Variants in MAGI2 observed in about 807,000 individuals in gnomAD.
MAGI2 encodes the protein membrane associated guanylate kinase, WW and PDZ domain containing 2, also known as membrane-associated guanylate kinase, WW and PDZ domain-containing protein 2.
In MAGI2, 35 loss-of-function variants were observed where a neutral mutation model predicts 133.3. The ratio of observed to expected loss-of-function variants is 0.26; its 90% confidence interval spans 0.20 to 0.35. The LOEUF is 0.35. Ranked by LOEUF, MAGI2 falls within the 10% of genes least tolerant of loss-of-function variation. MAGI2 has a pLI of 1.00. For synonymous variants in MAGI2, 729 were observed against 710.6 expected, an observed-to-expected ratio of 1.03 and a Z score of -0.41; for missense variants, 1,636 against 1,863.4, an observed-to-expected ratio of 0.88 and a Z score of 2.25.
chr7:79,280,882 G>GC (rs940408047), intron 1 of MAGI2, among the ~76,000 whole-genome samples: 5 of 130,564 alleles, frequency 3.8e-5, no homozygotes, highest in Admixed American at 3.5e-4. Context: ...CTATGATCAT[G>GC]CCACCATACT....
At chr7:79,191,236 G>A (rs1332870037) in intron 1 of MAGI2, among the ~76,000 whole-genome samples, 1 of 151,056 alleles carries the variant, frequency 6.6e-6, no homozygotes, top group East Asian at 1.9e-4. Flanking sequence ...TTTGATTTAG[G>A]TTGTGTTAAA....
At chr7:78,605,313 T>G (rs980969273) in intron 3 of MAGI2, among the ~76,000 whole-genome samples, 23 of 152,170 alleles carry the variant, frequency 1.5e-4, no homozygotes, top group African/African-American at 5.6e-4. Flanking sequence ...GAGAGGGATG[T>G]GTCAAGAGTG....
chr7:79,433,937 ACTACT>A (rs1847960910), intron 1 of MAGI2, among the ~76,000 whole-genome samples: 1 of 152,206 alleles, frequency 6.6e-6, no homozygotes, highest in Non-Finnish European at 1.5e-5. Flanking sequence ...CTTATTTCTG[ACTACT>A]CAGACAATCT....
At chr7:79,048,791 G>A (rs746263237) in intron 1 of MAGI2, among the ~76,000 whole-genome samples, 1 of 152,030 alleles carries the variant, frequency 6.6e-6, no homozygotes, top group Non-Finnish European at 1.5e-5. Flanking sequence ...CTGGCCAACA[G>A]TGTGAAATCC....
chr7:78,480,109 A>G (rs1317510516), intron 6 of MAGI2, among the ~76,000 whole-genome samples: 2 of 151,958 alleles, frequency 1.3e-5, no homozygotes, highest in African/African-American at 4.8e-5. Flanking sequence ...ACCAATTCCT[A>G]TAAAACTATA....
At chr7:79,090,040 A>G (rs960723192) in intron 1 of MAGI2, among the ~76,000 whole-genome samples, 2 of 152,082 alleles carry the variant, frequency 1.3e-5, no homozygotes, top group Non-Finnish European at 2.9e-5. Flanking sequence ...AAAAAATTAA[A>G]AAATAGAAGA....
intron 6 of MAGI2, among the ~76,000 whole-genome samples, chr7:78,417,905 A>G (rs1253321809): frequency 6.6e-6 from 1 of 152,162 alleles, no homozygotes; most frequent in African/African-American, 2.4e-5. Flanking sequence ...AGTTTCAATC[A>G]CCATCTTTCA....
chr7:78,789,137 G>A (rs1244122555), intron 2 of MAGI2, among the ~76,000 whole-genome samples: 2 of 151,698 alleles, frequency 1.3e-5, no homozygotes, highest in East Asian at 3.9e-4. Context: ...TATATTCATT[G>A]CATTGTAAGC....
chr7:78,040,902 A>T (rs1373862518), intron 21 of MAGI2, among the ~76,000 whole-genome samples: 2 of 152,184 alleles, frequency 1.3e-5, no homozygotes, highest in Admixed American at 1.3e-4. Flanking sequence ...AGGCGGCTAG[A>T]TCATTCTGGA....
At chr7:78,965,150 T>G (rs1455287594) in intron 2 of MAGI2, among the ~76,000 whole-genome samples, 7 of 151,498 alleles carry the variant, frequency 4.6e-5, no homozygotes, top group Admixed American at 2.6e-4. Flanking sequence ...AACAAGTACT[T>G]TCTGTTAATC....
intron 2 of MAGI2, among the ~76,000 whole-genome samples, chr7:78,974,133 CT>C (rs2073747146): frequency 1.3e-5 from 2 of 151,478 alleles, no homozygotes; most frequent in African/African-American, 4.8e-5. Context: ...GAAAAACTCC[CT>C]TTAATTAATT....
At chr7:78,655,929 C>A (rs1347288320) in intron 2 of MAGI2, among the ~76,000 whole-genome samples, 2 of 138,392 alleles carry the variant, frequency 1.4e-5, no homozygotes, top group African/African-American at 5.4e-5. Flanking sequence ...TGCAGTGAGC[C>A]GAGATCGCGC....
At chr7:78,332,768 A>G (rs1052626080) in intron 9 of MAGI2, among the ~76,000 whole-genome samples, 9 of 151,496 alleles carry the variant, frequency 5.9e-5, no homozygotes, top group African/African-American at 2.2e-4. Context: ...CCTCACTGTG[A>G]GAGGTCATGT....
chr7:79,258,333 G>A (rs981324398), intron 1 of MAGI2, among the ~76,000 whole-genome samples: 4 of 152,042 alleles, frequency 2.6e-5, no homozygotes, highest in Non-Finnish European at 5.9e-5. Flanking sequence ...AAATCTTCTG[G>A]GATAGTCAGT....
intron 3 of MAGI2, among the ~76,000 whole-genome samples, chr7:78,577,226 A>T (rs1031963928): frequency 6.6e-6 from 1 of 152,196 alleles, no homozygotes. Context: ...AAAATAACTA[A>T]AATTCTAAAA....
At chr7:78,027,633 A>AC (rs1464603253) in intron 21 of MAGI2, among the ~76,000 whole-genome samples, 1 of 144,532 alleles carries the variant, frequency 6.9e-6, no homozygotes, top group Non-Finnish European at 1.5e-5. Flanking sequence ...ATCTCAAAAA[A>AC]AAAAAAAAAA....
At chr7:78,565,328 G>T (rs909884652) in intron 3 of MAGI2, among the ~76,000 whole-genome samples, 1 of 151,918 alleles carries the variant, frequency 6.6e-6, no homozygotes, top group East Asian at 1.9e-4. Context: ...AGTGGGGCAT[G>T]GTGGCATGCT....
intron 20 of MAGI2, among the ~76,000 whole-genome samples, chr7:78,084,763 A>G (rs3779310): frequency 0.2 from 31,046 of 152,180 alleles, 3,167 homozygotes; most frequent in South Asian, 0.24. Context: ...AGTCATTGTT[A>G]TGGGTGCTCT....
chr7:78,311,048 C>T (rs1056095388), intron 9 of MAGI2, among the ~76,000 whole-genome samples: 1 of 152,180 alleles, frequency 6.6e-6, no homozygotes, highest in African/African-American at 2.4e-5. Flanking sequence ...CTTCTAAGTG[C>T]TAACTCATTT....
Sources: allele counts gnomAD v4.1 joint callset (sites outside exome capture counted in the v4.1 genomes callset), GRCh38; gene constraint gnomAD v4.1.1; transcripts MANE v1.5; gene names NCBI Gene and HGNC (gene_info 2026-07-23, HGNC 2026-07-21).